DAW1: variants seen among roughly 807,000 people sequenced by gnomAD.
The protein encoded by DAW1 is dynein assembly factor with WD repeats 1.
A neutral mutation model predicts 56.5 loss-of-function variants in DAW1; 47 were observed. The observed-to-expected ratio is 0.83, with a 90% CI of 0.66 to 1.06. The LOEUF is 1.06. DAW1 is among the 50% of genes least tolerant of loss of function. DAW1 has a pLI of 0.00. For missense variants in DAW1, 505 were observed against 499.3 expected, an observed-to-expected ratio of 1.01 and a Z score of -0.11; for synonymous variants, 190 against 179.0, an observed-to-expected ratio of 1.06 and a Z score of -0.49.
intron 3 of DAW1, among the ~76,000 whole-genome samples, chr2:227,890,669 A>G (rs1449413974): frequency 6.6e-6 from 1 of 152,212 alleles, no homozygotes; most frequent in Non-Finnish European, 1.5e-5. Flanking sequence ...TAGTCTTGTA[A>G]CATTTCTTTG....
intron 6 of DAW1, among the ~76,000 whole-genome samples, chr2:227,902,430 G>A (rs1211607495): frequency 6.6e-6 from 1 of 152,108 alleles, no homozygotes; most frequent in East Asian, 1.9e-4. Flanking sequence ...TCTTCTGGGG[G>A]AGGGGAGTGG....
intron 1 of DAW1, among the ~76,000 whole-genome samples, chr2:227,874,998 A>T (rs560774905): frequency 6.8e-6 from 1 of 146,204 alleles, no homozygotes; most frequent in East Asian, 2.0e-4. Flanking sequence ...AGAAAAACAA[A>T]AAACAAACCA....
At chr2:227,910,806 T>C (rs890284156) in intron 10 of DAW1, among the ~76,000 whole-genome samples, 1 of 152,150 alleles carries the variant, frequency 6.6e-6, no homozygotes, top group African/African-American at 2.4e-5. Flanking sequence ...CTGACTACTA[T>C]TTATGATGCT....
intron 1 of DAW1, among the ~76,000 whole-genome samples, chr2:227,883,884 A>C (rs1038365561): frequency 6.6e-6 from 1 of 152,228 alleles, no homozygotes. Flanking sequence ...TATTTAAAAA[A>C]TTTCTCAATT....
chr2:227,880,367 A>G (rs12474081), intron 1 of DAW1, among the ~76,000 whole-genome samples: 72,924 of 150,696 alleles, frequency 0.48, 17,868 homozygotes, highest in Admixed American at 0.58. Flanking sequence ...AAAGTTTAAT[A>G]TGACACAAAC....
At chr2:227,893,273 G>T (rs1691317380) in intron 4 of DAW1, among the ~76,000 whole-genome samples, 1 of 150,180 alleles carries the variant, frequency 6.7e-6, no homozygotes, top group Admixed American at 6.6e-5. Flanking sequence ...CTGTCTCGGG[G>T]GTGGGGTGGG....
intron 1 of DAW1, chr2:227,876,301 T>C: frequency 1.7e-6 from 1 of 595,098 alleles, no homozygotes; most frequent in South Asian, 2.4e-5. Context: ...ATGACAGGCG[T>C]GAGCCACTGT....
intron 4 of DAW1, among the ~76,000 whole-genome samples, chr2:227,893,540 T>C (rs1324428031): frequency 6.6e-6 from 1 of 151,070 alleles, no homozygotes; most frequent in Non-Finnish European, 1.5e-5. Flanking sequence ...GGCGTGGTGG[T>C]GGGTGCCTGT....
At chr2:227,905,062 T>G (rs778162812) in intron 8 of DAW1, 27 bp downstream of exon 8, 4 of 1,595,148 alleles carry the variant, frequency 2.5e-6, no homozygotes, top group Non-Finnish European at 3.4e-6. Flanking sequence ...AAGAATTGTT[T>G]TAACCTGGAT....
At chr2:227,898,458 C>G (rs977274929) in intron 6 of DAW1, among the ~76,000 whole-genome samples, 177 bp downstream of exon 6, 1 of 151,878 alleles carries the variant, frequency 6.6e-6, no homozygotes. Context: ...GTAGCTGGGA[C>G]TACGGGCGCC....
Position 227,905,016 on chromosome 2 carries a change from T to C in DAW1, c.736T>C (p.Trp246Arg). 1 of 1,613,144 alleles carries C rather than the reference T, an allele frequency of 6.2e-7. No homozygotes were observed. Among genetic ancestry groups the C allele is most frequent in the Non-Finnish European group, 8.5e-7 (1 of 1,179,404 alleles). Residue 246 changes from tryptophan to arginine, a missense_variant, in exon 8 of 13, where the codon TGG becomes CGG. Coordinates refer to ENST00000309931, the MANE Select transcript of DAW1 (RefSeq NM_178821.3). ...GTCTTTTGATCATACCGTTGTAGTG[T>C]GGGACGCTGATACTGGAAGGTAATT... ...TGSFDHTVVV[W>R]DADTGRKVNI...
intron 7 of DAW1, 68 bp from the exon 8 acceptor site, chr2:227,904,861 T>C (rs1278439762): frequency 2.1e-6 from 3 of 1,422,628 alleles, no homozygotes; most frequent in East Asian, 2.4e-5. Context: ...TTTTAGACTA[T>C]GATATTGTAC....
At chr2:227,904,839 T>C in intron 7 of DAW1, 90 bp from the exon 8 acceptor site, 1 of 1,267,866 alleles carries the variant, frequency 7.9e-7, no homozygotes, top group Non-Finnish European at 1.1e-6. Context: ...CTCGGCCTTC[T>C]CCAGCATTTC....
intron 7 of DAW1, 128 bp downstream of exon 7, chr2:227,903,237 C>G (rs1691590504): frequency 4.3e-6 from 4 of 925,786 alleles, no homozygotes; most frequent in Admixed American, 2.5e-5. Flanking sequence ...AAAGAGTGTC[C>G]CTACTGGTTT....
intron 5 of DAW1, among the ~76,000 whole-genome samples, chr2:227,896,916 C>T (rs1414769367): frequency 6.6e-6 from 1 of 151,424 alleles, no homozygotes; most frequent in African/African-American, 2.4e-5. Flanking sequence ...GACCTCATCT[C>T]TACAAAAAAT....
intron 10 of DAW1, among the ~76,000 whole-genome samples, chr2:227,917,126 A>G (rs368777438): frequency 1.2e-3 from 150 of 129,238 alleles, no homozygotes; most frequent in East Asian, 6.9e-3. Flanking sequence ...CTATCTATCT[A>G]TCTATCTATC....
chr2:227,911,106 A>G (rs1691803182), intron 10 of DAW1, among the ~76,000 whole-genome samples: 1 of 151,646 alleles, frequency 6.6e-6, no homozygotes, highest in South Asian at 2.1e-4. Context: ...AAGCTATACT[A>G]TGTCTCATCA....
chr2:227,894,157 T>C (rs1691351932), intron 5 of DAW1, among the ~76,000 whole-genome samples: 1 of 152,090 alleles, frequency 6.6e-6, no homozygotes, highest in Admixed American at 6.6e-5. Context: ...ATCCTAGCAC[T>C]CTGGGAGGCC....
intron 4 of DAW1, 23 bp from the exon 5 acceptor site, chr2:227,893,772 C>T (rs370957589): frequency 1.1e-4 from 177 of 1,598,674 alleles, no homozygotes; most frequent in Non-Finnish European, 1.5e-4. Flanking sequence ...TTCCCTGCAA[C>T]GTGTTTATAT....
Sources: allele counts gnomAD v4.1 joint callset (sites outside exome capture counted in the v4.1 genomes callset), GRCh38; gene constraint gnomAD v4.1.1; transcripts MANE v1.5; gene names NCBI Gene and HGNC (gene_info 2026-07-23, HGNC 2026-07-21).